The following CMIP variants were observed in gnomAD, a reference collection of about 807,000 sequenced individuals.
The protein encoded by CMIP is c-Maf inducing protein.
A neutral mutation model predicts 97.3 loss-of-function variants in CMIP; 13 were observed. The ratio of observed to expected loss-of-function variants is 0.13; its 90% CI spans 0.09 to 0.21. The LOEUF (loss-of-function observed/expected upper bound fraction) is 0.21, where lower values mean the gene tolerates loss of function less well. Ranked by LOEUF, CMIP falls within the 10% of genes least tolerant of loss-of-function variation. The pLI, the probability that CMIP is intolerant of heterozygous loss-of-function variation, is 1.00. For synonymous variants in CMIP, 538 were observed against 436.3 expected, an observed-to-expected ratio of 1.23 and a Z score of -2.91; for missense variants, 847 against 1,024.9, an observed-to-expected ratio of 0.83 and a Z score of 2.37.
chr16:81,618,432 T>C (rs891656250), intron 2 of CMIP: 3 of 152,154 alleles, frequency 2.0e-5, no homozygotes, highest in East Asian at 1.9e-4. Flanking sequence ...ACATCCAGAG[T>C]CCCGTTGCCA....
intron 1 of CMIP, among the ~76,000 whole-genome samples, chr16:81,527,260 C>T (rs984496659): frequency 6.6e-6 from 1 of 152,116 alleles, no homozygotes; most frequent in Non-Finnish European, 1.5e-5. Flanking sequence ...GGGAGGTTGG[C>T]TGAGTGTGTA....
intron 19 of CMIP, among the ~76,000 whole-genome samples, chr16:81,705,933 C>A (rs1908088206): frequency 6.6e-6 from 1 of 152,196 alleles, no homozygotes; most frequent in Admixed American, 6.5e-5. Context: ...CCACTGTGGT[C>A]CCCTGACCAG....
intron 1 of CMIP, among the ~76,000 whole-genome samples, chr16:81,467,306 A>C (rs1222508888): frequency 6.6e-6 from 1 of 152,140 alleles, no homozygotes; most frequent in Non-Finnish European, 1.5e-5. Flanking sequence ...CCCCGTTGGG[A>C]AGGTGGGACA....
At chr16:81,680,557 C>T (rs1016932816) in intron 10 of CMIP, among the ~76,000 whole-genome samples, 1 of 152,216 alleles carries the variant, frequency 6.6e-6, no homozygotes, top group African/African-American at 2.4e-5. Context: ...GGACCAGCCC[C>T]GCCTCGTGGT....
At chr16:81,605,246 C>G (rs887959763) in intron 1 of CMIP, among the ~76,000 whole-genome samples, 9 of 152,192 alleles carry the variant, frequency 5.9e-5, no homozygotes, top group African/African-American at 1.9e-4. Context: ...TTGAGGCACG[C>G]TGCATAAAGA....
chr16:81,530,253 C>G (rs1205488464), intron 1 of CMIP, among the ~76,000 whole-genome samples: 1 of 152,174 alleles, frequency 6.6e-6, no homozygotes, highest in Non-Finnish European at 1.5e-5. Context: ...CTAGAGGATT[C>G]TGATACTTTA....
intron 1 of CMIP, among the ~76,000 whole-genome samples, chr16:81,605,479 A>G (rs2091727447): frequency 6.6e-6 from 1 of 152,178 alleles, no homozygotes; most frequent in South Asian, 2.1e-4. Context: ...CTATGCAGCA[A>G]TCCCTGTGAA....
intron 3 of CMIP, among the ~76,000 whole-genome samples, chr16:81,636,001 G>C (rs925051919): frequency 3.9e-5 from 6 of 152,138 alleles, no homozygotes; most frequent in African/African-American, 1.4e-4. Context: ...GCCGTGGTAA[G>C]GTTAAAAAGA....
At chr16:81,615,424 GGT>G (rs1199337753) in intron 2 of CMIP, among the ~76,000 whole-genome samples, 3 of 141,940 alleles carry the variant, frequency 2.1e-5, no homozygotes. Flanking sequence ...GTGTGTGCGT[GGT>G]GTGTGTACAT....
intron 1 of CMIP, among the ~76,000 whole-genome samples, chr16:81,448,297 C>T (rs1213082558): frequency 6.6e-6 from 1 of 152,236 alleles, no homozygotes; most frequent in Non-Finnish European, 1.5e-5. Context: ...GGGATTCAAA[C>T]CAATAAACAA....
chr16:81,518,013 T>C (rs2089949200), intron 1 of CMIP: 2 of 508,100 alleles, frequency 3.9e-6, no homozygotes, highest in Non-Finnish European at 5.1e-6. Flanking sequence ...TTTGCACTTC[T>C]CATGCCCCCA....
intron 1 of CMIP, among the ~76,000 whole-genome samples, chr16:81,491,432 G>T (rs1258751797): frequency 6.6e-6 from 1 of 152,202 alleles, no homozygotes; most frequent in Non-Finnish European, 1.5e-5. Flanking sequence ...TGAGGCTCAG[G>T]GAAGATTATG....
intron 3 of CMIP, among the ~76,000 whole-genome samples, chr16:81,636,982 C>G (rs1273814640): frequency 6.6e-6 from 1 of 152,170 alleles, no homozygotes; most frequent in Non-Finnish European, 1.5e-5. Context: ...ACCCTCCTTC[C>G]TTCTTTTTAA....
chr16:81,710,038 T>C lies in CMIP; in HGVS notation c.*239T>C, dbSNP rs1908587826. ...CTTTGACCTGATCTAAAGTGGACTTTGTAGCAACAAGAGGAGCATCAGCGG... is the reference window on the plus strand; with the variant it reads ...CTTTGACCTGATCTAAAGTGGACTTCGTAGCAACAAGAGGAGCATCAGCGG... On this transcript the variant is annotated 3_prime_UTR_variant, in exon 21 of 21. Coordinates refer to ENST00000537098, the MANE Select transcript of CMIP (RefSeq NM_198390.3). 1.1e-5 allele frequency: 3 copies of C among 262,316 alleles called. No homozygotes were observed. The allele number at this position is 262,316 out of a possible 1,614,324, so 16.2% of individuals were successfully genotyped here.
intron 1 of CMIP, among the ~76,000 whole-genome samples, chr16:81,580,150 A>G (rs1052529880): frequency 6.6e-6 from 1 of 152,072 alleles, no homozygotes; most frequent in Non-Finnish European, 1.5e-5. Context: ...AGCTGCCTTG[A>G]CACCCTCCCT....
intron 1 of CMIP, among the ~76,000 whole-genome samples, chr16:81,504,664 A>G: frequency 6.7e-6 from 1 of 148,676 alleles, no homozygotes; most frequent in Non-Finnish European, 1.5e-5. Flanking sequence ...AAAAAAAAAA[A>G]AAGAAAAGAA....
At chr16:81,646,112 G>A (rs553666437) in intron 3 of CMIP, among the ~76,000 whole-genome samples, 8 of 152,076 alleles carry the variant, frequency 5.3e-5, no homozygotes, top group African/African-American at 1.9e-4. Flanking sequence ...TGATGAGGTG[G>A]GTGAAGGATG....
At chr16:81,569,355 T>C (rs2091041839) in intron 1 of CMIP, among the ~76,000 whole-genome samples, 1 of 152,220 alleles carries the variant, frequency 6.6e-6, no homozygotes, top group Admixed American at 6.5e-5. Context: ...CAGTAGGTAA[T>C]GGAGCTGGCA....
chr16:81,628,716 C>T (rs547607020), intron 3 of CMIP, among the ~76,000 whole-genome samples: 3 of 152,266 alleles, frequency 2.0e-5, no homozygotes, highest in African/African-American at 7.2e-5. Flanking sequence ...CTGATGTGCA[C>T]TTGGGAGCAG....
Sources: gnomAD v4.1 joint callset for allele counts (sites outside exome capture counted in the v4.1 genomes callset) on GRCh38, gnomAD v4.1.1 for gene constraint, MANE v1.5 for transcripts, NCBI Gene and HGNC (gene_info 2026-07-23, HGNC 2026-07-21) for gene names.